The following ZRANB3 variants were observed in gnomAD, a reference collection of about 807,000 sequenced individuals.
ZRANB3 encodes zinc finger RANBP2-type containing 3, also known as DNA annealing helicase and endonuclease ZRANB3.
In ZRANB3, 125 loss-of-function variants were observed where a neutral mutation model predicts 133.8. That is an observed-to-expected ratio of 0.93 (90% CI 0.81 to 1.08). The LOEUF (loss-of-function observed/expected upper bound fraction) is 1.08. Among genes scored for constraint, ZRANB3 ranks in the 50% least tolerant of loss-of-function variants. The pLI is 0.00. For synonymous variants in ZRANB3, 387 were observed against 432.7 expected (o/e 0.89, Z 1.31); for missense variants, 1,229 against 1,275.5 (o/e 0.96, Z 0.56).
intron 8 of ZRANB3, among the ~76,000 whole-genome samples, chr2:135,306,079 T>A (rs1300750486): frequency 6.6e-6 from 1 of 152,228 alleles, no homozygotes; most frequent in Non-Finnish European, 1.5e-5. Context: ...TGTATCTATT[T>A]GATAAGTCTT....
At chr2:135,274,483 TAA>T (rs1558878971) in intron 9 of ZRANB3, among the ~76,000 whole-genome samples, 2 of 152,210 alleles carry the variant, frequency 1.3e-5, no homozygotes, top group Non-Finnish European at 2.9e-5. Context: ...TGTAGGTAAA[TAA>T]AAAGTCTAAC....
At chr2:135,213,799 T>A (rs1694197799) in intron 17 of ZRANB3, among the ~76,000 whole-genome samples, 1 of 152,140 alleles carries the variant, frequency 6.6e-6, no homozygotes, top group Non-Finnish European at 1.5e-5. Context: ...AAAAGGACTT[T>A]ACAGATATAA....
In ZRANB3 at chr2:135,349,989, C is replaced by A; in HGVS notation, c.586G>T (p.Glu196Ter). ...LTGTPALGRP[E>*]ELFMQIEALF... Reference sequence around the variant, plus strand: ...AAGTATAAGGATTGTAATACCTCTTCAGGCCTTCCTAAAGCTGGTGTTCCT... The same window carrying A: ...AAGTATAAGGATTGTAATACCTCTTAAGGCCTTCCTAAAGCTGGTGTTCCT... The change falls in exon 5 of 21, where the codon GAA becomes TAA. Residue 196 changes from glutamate (E) to a stop codon, truncating the protein, a stop_gained. Transcript: ENST00000264159. LOFTEE classifies it high-confidence loss of function. 2 of 1,613,344 alleles carry A rather than the reference C, an allele frequency of 1.2e-6. No individual in the cohort carries two copies. Among genetic ancestry groups the A allele is most frequent in the Admixed American group, 1.7e-5 (1 of 60,028 alleles).
chr2:135,347,448 G>A (rs559302576), intron 5 of ZRANB3, among the ~76,000 whole-genome samples: 91 of 151,986 alleles, frequency 6.0e-4, no homozygotes, highest in African/African-American at 8.0e-4. Flanking sequence ...GCCCACCACC[G>A]CGCCCGGCTA....
chr2:135,290,792 G>A (rs188338637), intron 8 of ZRANB3, among the ~76,000 whole-genome samples: 1 of 151,934 alleles, frequency 6.6e-6, no homozygotes, highest in East Asian at 1.9e-4. Context: ...ATCTTTTTGC[G>A]ATGAATTTCC....
intron 11 of ZRANB3, among the ~76,000 whole-genome samples, chr2:135,268,526 G>A (rs1680357275): frequency 2.0e-5 from 3 of 152,176 alleles, no homozygotes; most frequent in African/African-American, 7.2e-5. Flanking sequence ...CTGAGGAAAT[G>A]AGACAGCTGA....
chr2:135,365,757 A>T (rs186624622), intron 3 of ZRANB3, among the ~76,000 whole-genome samples: 352 of 152,342 alleles, frequency 2.3e-3, no homozygotes, highest in African/African-American at 8.1e-3. Context: ...TAAAAGGAAG[A>T]TGAATAAATC....
chr2:135,406,671 G>A (rs1296108078), intron 2 of ZRANB3, among the ~76,000 whole-genome samples: 1 of 152,130 alleles, frequency 6.6e-6, no homozygotes, highest in African/African-American at 2.4e-5. Context: ...TTCAACATAC[G>A]AAAATCAATG....
chr2:135,274,745 T>C (rs1680701735), intron 9 of ZRANB3, among the ~76,000 whole-genome samples: 1 of 152,170 alleles, frequency 6.6e-6, no homozygotes. Context: ...CAAGGGTCTC[T>C]GGTTTTCCTA....
chr2:135,273,457 C>T (rs1680635382), intron 9 of ZRANB3, among the ~76,000 whole-genome samples: 1 of 152,104 alleles, frequency 6.6e-6, no homozygotes, highest in Non-Finnish European at 1.5e-5. Flanking sequence ...ATAAAATTCT[C>T]TCAGGGTCTT....
chr2:135,382,375 C>T (rs2104913812), intron 3 of ZRANB3, among the ~76,000 whole-genome samples: 1 of 152,226 alleles, frequency 6.6e-6, no homozygotes, highest in South Asian at 2.1e-4. Flanking sequence ...GATTGGTGTA[C>T]CTGAAAGTGA....
chr2:135,201,733 C>T (rs1257866353), intron 20 of ZRANB3, among the ~76,000 whole-genome samples: 1 of 151,122 alleles, frequency 6.6e-6, no homozygotes, highest in Non-Finnish European at 1.5e-5. Flanking sequence ...TGAAATAGTA[C>T]TCAAAAGTTT....
At chr2:135,360,207 C>T (rs772926599) in intron 3 of ZRANB3, among the ~76,000 whole-genome samples, 1 of 151,522 alleles carries the variant, frequency 6.6e-6, no homozygotes, top group Non-Finnish European at 1.5e-5. Context: ...GATGAAACCC[C>T]GTCTCTATGA....
At chr2:135,386,388 T>C (rs1244058771) in intron 3 of ZRANB3, among the ~76,000 whole-genome samples, 1 of 152,188 alleles carries the variant, frequency 6.6e-6, no homozygotes, top group South Asian at 2.1e-4. Flanking sequence ...TTTAACACTG[T>C]TGGTGGGAGT....
chr2:135,530,312 C>T (rs1006305402), intron 1 of ZRANB3, among the ~76,000 whole-genome samples: 3 of 152,074 alleles, frequency 2.0e-5, no homozygotes, highest in African/African-American at 7.2e-5. Context: ...AGTAGAGGTA[C>T]TTTCTACAAA....
intron 2 of ZRANB3, among the ~76,000 whole-genome samples, chr2:135,449,512 C>T (rs571050884): frequency 2.6e-5 from 4 of 151,936 alleles, no homozygotes; most frequent in African/African-American, 2.4e-5. Context: ...CCCAGCTACT[C>T]GGGAGGCTGA....
intron 12 of ZRANB3, among the ~76,000 whole-genome samples, chr2:135,236,724 C>T (rs1385195973): frequency 6.6e-6 from 1 of 152,146 alleles, no homozygotes; most frequent in African/African-American, 2.4e-5. Flanking sequence ...GCTGGGAAAA[C>T]TGGCTAGCCA....
intron 1 of ZRANB3, among the ~76,000 whole-genome samples, chr2:135,524,104 G>C (rs1461653020): frequency 6.8e-6 from 1 of 146,860 alleles, no homozygotes; most frequent in African/African-American, 2.5e-5. Flanking sequence ...TTTTTTTTTT[G>C]AGAAAGAGTT....
chr2:135,332,692 G>A (rs1251851395), intron 6 of ZRANB3, among the ~76,000 whole-genome samples: 1 of 152,052 alleles, frequency 6.6e-6, no homozygotes, highest in Non-Finnish European at 1.5e-5. Flanking sequence ...GTTCTACCTG[G>A]TAAATTGAGA....
Sources: gnomAD v4.1 joint callset for allele counts (sites outside exome capture counted in the v4.1 genomes callset) on GRCh38, gnomAD v4.1.1 for gene constraint, MANE v1.5 for transcripts, NCBI Gene and HGNC (gene_info 2026-07-23, HGNC 2026-07-21) for gene names.